Variants in HCRTR2 observed in about 807,000 individuals in gnomAD.
HCRTR2 encodes hypocretin receptor 2.
Under a neutral mutation model 49.0 loss-of-function variants are expected in HCRTR2, and 22 were observed. That is an observed-to-expected ratio of 0.45 (90% CI 0.32 to 0.64). The LOEUF (loss-of-function observed/expected upper bound fraction) is 0.64, where lower values mean the gene tolerates loss of function less well. Among genes scored for constraint, HCRTR2 ranks in the 30% least tolerant of loss-of-function variants. HCRTR2 has a pLI of 0.04. For missense variants in HCRTR2, 491 were observed against 559.4 expected, an observed-to-expected ratio of 0.88 and a Z score of 1.23; for synonymous variants, 236 against 205.3, an observed-to-expected ratio of 1.15 and a Z score of -1.28.
chr6:55,136,779 C>G (rs7757303), intron 1 of HCRTR2, among the ~76,000 whole-genome samples: 5,611 of 152,188 alleles, frequency 0.037, 340 homozygotes, highest in African/African-American at 0.13. Flanking sequence ...ATCTCAGTAG[C>G]TGGAACCTAC....
chr6:55,150,022 A>G (rs1764642784), intron 1 of HCRTR2, among the ~76,000 whole-genome samples: 1 of 152,054 alleles, frequency 6.6e-6, no homozygotes, highest in South Asian at 2.1e-4. Flanking sequence ...AAGGAACATT[A>G]CACTCTCATG....
intron 4 of HCRTR2, among the ~76,000 whole-genome samples, chr6:55,274,235 T>A (rs1767030019): frequency 2.3e-5 from 1 of 43,986 alleles, no homozygotes; most frequent in African/African-American, 7.7e-5. Context: ...TTTCATCATT[T>A]TCAGTATATA....
At chr6:55,224,626 TA>T (rs112507038) in intron 1 of HCRTR2, among the ~76,000 whole-genome samples, 319 of 142,180 alleles carry the variant, frequency 2.2e-3, no homozygotes, top group East Asian at 2.9e-3. Flanking sequence ...CCGTCTCAGT[TA>T]AAAAAAAAAA....
chr6:55,221,201 C>A (rs1477525115), intron 1 of HCRTR2, among the ~76,000 whole-genome samples: 1 of 152,028 alleles, frequency 6.6e-6, no homozygotes, highest in Non-Finnish European at 1.5e-5. Context: ...GAAAAAAAAT[C>A]TGAGAACCAT....
intron 1 of HCRTR2, among the ~76,000 whole-genome samples, chr6:55,216,817 G>A (rs973225547): frequency 1.3e-4 from 20 of 152,254 alleles, no homozygotes; most frequent in African/African-American, 4.3e-4. Context: ...CTCTCACCCC[G>A]TATTTTTACT....
intron 1 of HCRTR2, among the ~76,000 whole-genome samples, chr6:55,141,407 G>A (rs1337178008): frequency 6.6e-6 from 1 of 151,950 alleles, no homozygotes; most frequent in African/African-American, 2.4e-5. Context: ...TTCATGGTCT[G>A]GATGAGAAAA....
chr6:55,284,189 A>G (rs897702669), downstream of HCRTR2, among the ~76,000 whole-genome samples: 1 of 152,074 alleles, frequency 6.6e-6, no homozygotes, highest in Non-Finnish European at 1.5e-5. Flanking sequence ...ACCCAAATAT[A>G]CCTACTTATA....
intron 1 of HCRTR2, among the ~76,000 whole-genome samples, chr6:55,112,224 G>T (rs925942435): frequency 1.3e-5 from 2 of 151,854 alleles, no homozygotes; most frequent in Non-Finnish European, 2.9e-5. Flanking sequence ...TTCCCCCTGA[G>T]AACTGAAGCA....
At chr6:55,190,647 T>A (rs2127278142) in intron 1 of HCRTR2, among the ~76,000 whole-genome samples, 1 of 152,274 alleles carries the variant, frequency 6.6e-6, no homozygotes, top group South Asian at 2.1e-4. Context: ...GAATAAGTGA[T>A]TATACATAAA....
chr6:55,248,590 A>T (rs935693435), intron 1 of HCRTR2, 49 bp from the exon 2 acceptor site: 20 of 1,416,924 alleles, frequency 1.4e-5, no homozygotes, highest in Non-Finnish European at 1.9e-5. Context: ...TTCCTCACCA[A>T]TACCTATTTT....
At chr6:55,186,841 A>T (rs1433450907) in intron 1 of HCRTR2, among the ~76,000 whole-genome samples, 1 of 152,166 alleles carries the variant, frequency 6.6e-6, no homozygotes, top group Non-Finnish European at 1.5e-5. Flanking sequence ...ATGCCCATAG[A>T]GCCTAAGCTT....
At chr6:55,174,932 A>T (rs1765012953) in intron 1 of HCRTR2, 122 bp downstream of exon 1, 6 of 717,900 alleles carry the variant, frequency 8.4e-6, no homozygotes, top group East Asian at 8.0e-5. Flanking sequence ...CTGCTCTCGG[A>T]TGGGGTTTTC....
At chr6:55,271,299 T>C (rs1211641703) in intron 4 of HCRTR2, among the ~76,000 whole-genome samples, 2 of 152,124 alleles carry the variant, frequency 1.3e-5, no homozygotes, top group African/African-American at 4.8e-5. Context: ...GCAAAAATCA[T>C]AGTCCTGACA....
At chr6:55,267,214 T>A (rs1167339824) in intron 4 of HCRTR2, among the ~76,000 whole-genome samples, 1 of 152,152 alleles carries the variant, frequency 6.6e-6, no homozygotes, top group Non-Finnish European at 1.5e-5. Context: ...AGCCATCAAA[T>A]GAAGAGCTTG....
intron 1 of HCRTR2, among the ~76,000 whole-genome samples, chr6:55,233,646 G>A (rs1193453386): frequency 6.6e-6 from 1 of 152,076 alleles, no homozygotes; most frequent in African/African-American, 2.4e-5. Context: ...AATGAGGGAG[G>A]ATCGTGCCAC....
intron 1 of HCRTR2, among the ~76,000 whole-genome samples, chr6:55,215,977 C>A (rs1353714783): frequency 1.3e-5 from 2 of 152,092 alleles, no homozygotes; most frequent in East Asian, 3.9e-4. Context: ...TGTTGAGGGG[C>A]CTTCTTATTG....
intron 4 of HCRTR2, among the ~76,000 whole-genome samples, chr6:55,267,599 A>G (rs1432373965): frequency 6.6e-6 from 1 of 152,070 alleles, no homozygotes; most frequent in Non-Finnish European, 1.5e-5. Flanking sequence ...AATTTATTTC[A>G]CATTTATTAA....
intron 1 of HCRTR2, among the ~76,000 whole-genome samples, chr6:55,128,463 T>C (rs1422429717): frequency 6.6e-6 from 1 of 152,182 alleles, no homozygotes; most frequent in Non-Finnish European, 1.5e-5. Context: ...GAGAAGAATG[T>C]CATTGATAGT....
At position 55,249,220 on chromosome 6, in the gene HCRTR2, A is replaced by G. The variant is rs529996877; in HGVS notation, c.402+403A>G. 3.5e-4 allele frequency among the ~76,000 whole-genome samples: 53 copies of G among 152,226 alleles called. 1 individual carries two copies. In the South Asian group the frequency reaches 0.011, roughly 30 times the overall value. On this transcript the variant is annotated intron_variant, in intron 2 of 6. Coordinates refer to ENST00000370862, the MANE Select transcript of HCRTR2 (RefSeq NM_001384272.1). ...ATTTAACCAATTAATGATCTCCCCA[A>G]ACCAATTATTGATCTTTCTCTTGAA... is the stretch of plus-strand genomic sequence containing the variant.
Sources: gnomAD v4.1 joint callset for allele counts (sites outside exome capture counted in the v4.1 genomes callset) on GRCh38, gnomAD v4.1.1 for gene constraint, MANE v1.5 for transcripts, NCBI Gene and HGNC (gene_info 2026-07-23, HGNC 2026-07-21) for gene names.